The following CTNNA2 variants were observed in gnomAD, a reference collection of about 807,000 sequenced individuals.
The protein encoded by CTNNA2 is catenin alpha-2.
A neutral mutation model predicts 101.0 loss-of-function variants in CTNNA2; 42 were observed. The observed-to-expected ratio is 0.42, with a 90% CI of 0.32 to 0.54. CTNNA2 has a LOEUF of 0.54. CTNNA2 is among the 20% of genes least tolerant of loss of function. The pLI is 0.14. For synonymous variants in CTNNA2, 450 were observed against 456.4 expected (o/e 0.99, Z 0.18); for missense variants, 871 against 1,223.1 (o/e 0.71, Z 4.29).
intron 3 of CTNNA2, among the ~76,000 whole-genome samples, chr2:79,825,158 C>T (rs745968314): frequency 1.3e-5 from 2 of 152,110 alleles, no homozygotes; most frequent in African/African-American, 2.4e-5. Flanking sequence ...CACTGCACTC[C>T]GACCAGGGTG....
intron 3 of CTNNA2, among the ~76,000 whole-genome samples, chr2:79,765,950 A>G (rs759880339): frequency 6.6e-6 from 1 of 152,290 alleles, no homozygotes; most frequent in Middle Eastern, 3.4e-3. Flanking sequence ...TACACATTGC[A>G]TTTAGTGGGA....
chr2:80,018,522 A>G (rs759876960), intron 7 of CTNNA2, among the ~76,000 whole-genome samples: 4 of 152,172 alleles, frequency 2.6e-5, no homozygotes, highest in African/African-American at 9.7e-5. Context: ...CATGCCTATA[A>G]TCCCAGCACT....
chr2:80,088,157 C>T (rs571071972), intron 7 of CTNNA2, among the ~76,000 whole-genome samples: 2 of 152,024 alleles, frequency 1.3e-5, no homozygotes, highest in African/African-American at 4.8e-5. Context: ...ATCCTAATAT[C>T]ACTGTTTTGG....
At chr2:79,502,212 G>T (rs1245141735) in intron 4 of CTNNA2, among the ~76,000 whole-genome samples, 1 of 152,116 alleles carries the variant, frequency 6.6e-6, no homozygotes, top group Non-Finnish European at 1.5e-5. Context: ...CTAAAATTTG[G>T]AGAATATGTG....
At position 80,589,338 on chromosome 2, in the gene CTNNA2, C is replaced by T. The variant is rs1696242352; in HGVS notation, c.2042C>T (p.Ala681Val). 6.2e-7 allele frequency: 1 copy of T among 1,613,824 alleles called. No homozygotes were observed. Among genetic ancestry groups the T allele is most frequent in the African/African-American group, 1.3e-5 (1 of 74,862 alleles). ...GCGCAACTACCGCAGGAGGAGAAGG[C>T]AAAAATAGCTGAGCAGGTGGAGATA... The part of the protein sequence containing the change: ...IMAQLPQEEK[A>V]KIAEQVEIFH... The change falls in exon 15 of 19, where the codon GCA becomes GTA. Residue 681 changes from alanine (A) to valine (V), a missense_variant. Transcript: ENST00000402739.
intron 13 of CTNNA2, chr2:80,578,903 GTTA>G (rs962334585): frequency 2.0e-5 from 3 of 151,974 alleles, no homozygotes; most frequent in African/African-American, 7.3e-5. Context: ...TGCTGTTGTT[GTTA>G]TTAGGTGTTA....
chr2:80,167,888 G>A (rs1279111001), intron 7 of CTNNA2, among the ~76,000 whole-genome samples: 1 of 152,206 alleles, frequency 6.6e-6, no homozygotes, highest in Non-Finnish European at 1.5e-5. Context: ...CCTTAGGAAA[G>A]GTGTGCTTTG....
intron 7 of CTNNA2, among the ~76,000 whole-genome samples, chr2:79,981,677 A>G (rs1691281779): frequency 6.6e-6 from 1 of 152,186 alleles, no homozygotes; most frequent in South Asian, 2.1e-4. Context: ...ATCAGTTATT[A>G]TCATAATGTA....
chr2:80,445,899 G>A (rs547144879), intron 9 of CTNNA2, among the ~76,000 whole-genome samples: 3 of 152,240 alleles, frequency 2.0e-5, no homozygotes, highest in East Asian at 1.9e-4. Context: ...GCCTGGCTTC[G>A]TCTCTTATAG....
chr2:79,440,464 A>C (rs922407614), intron 4 of CTNNA2, among the ~76,000 whole-genome samples: 3 of 152,152 alleles, frequency 2.0e-5, no homozygotes, highest in Non-Finnish European at 4.4e-5. Flanking sequence ...TTTAATGTTA[A>C]GTACACTACT....
intron 7 of CTNNA2, among the ~76,000 whole-genome samples, chr2:80,370,370 G>A (rs757444086): frequency 7.9e-5 from 12 of 152,030 alleles, no homozygotes; most frequent in Non-Finnish European, 1.5e-4. Context: ...TTGTGGAAAG[G>A]GGGGAATTCA....
chr2:80,560,623 G>C (rs984859950), intron 12 of CTNNA2, among the ~76,000 whole-genome samples: 1 of 152,100 alleles, frequency 6.6e-6, no homozygotes, highest in Admixed American at 6.6e-5. Context: ...TTATTCTCCA[G>C]GCAAAACATA....
intron 3 of CTNNA2, among the ~76,000 whole-genome samples, chr2:79,770,945 G>T (rs1281252219): frequency 2.0e-5 from 3 of 152,284 alleles, no homozygotes; most frequent in Non-Finnish European, 2.9e-5. Flanking sequence ...AAGTTTAAAA[G>T]AATTACCAGG....
chr2:80,021,389 T>G (rs1694554734), intron 7 of CTNNA2, among the ~76,000 whole-genome samples: 1 of 152,106 alleles, frequency 6.6e-6, no homozygotes, highest in Non-Finnish European at 1.5e-5. Flanking sequence ...CTGGAATCAT[T>G]TGTTCAATTA....
chr2:80,461,296 C>G (rs999819052), intron 9 of CTNNA2, among the ~76,000 whole-genome samples: 1 of 152,106 alleles, frequency 6.6e-6, no homozygotes, highest in East Asian at 1.9e-4. Context: ...CACCCTGGCC[C>G]GTTGTTTACA....
chr2:80,549,209 A>G (rs1271690415), intron 11 of CTNNA2, among the ~76,000 whole-genome samples: 2 of 152,212 alleles, frequency 1.3e-5, no homozygotes, highest in East Asian at 1.9e-4. Context: ...TAAAATAAGC[A>G]TCTTGGCATT....
At chr2:80,133,387 G>A (rs769791837) in intron 7 of CTNNA2, among the ~76,000 whole-genome samples, 10 of 152,156 alleles carry the variant, frequency 6.6e-5, no homozygotes, top group East Asian at 1.9e-4. Context: ...ACTTTGTTAC[G>A]TCAGCCCTGT....
intron 7 of CTNNA2, among the ~76,000 whole-genome samples, chr2:80,254,203 GT>G (rs1671969054): frequency 6.6e-6 from 1 of 151,926 alleles, no homozygotes; most frequent in Non-Finnish European, 1.5e-5. Flanking sequence ...TTCTTTATAA[GT>G]TTTTTTCTTA....
chr2:79,523,746 C>T (rs1007630389), intron 1 of CTNNA2, among the ~76,000 whole-genome samples: 7 of 152,178 alleles, frequency 4.6e-5, no homozygotes, highest in South Asian at 2.1e-4. Context: ...TTTGCCAATA[C>T]GTGATAATTT....
Sources: gnomAD v4.1 joint callset for allele counts (sites outside exome capture counted in the v4.1 genomes callset) on GRCh38, gnomAD v4.1.1 for gene constraint, MANE v1.5 for transcripts, NCBI Gene and HGNC (gene_info 2026-07-23, HGNC 2026-07-21) for gene names.